Variants in FHIT observed in about 807,000 individuals in gnomAD.
FHIT encodes the protein fragile histidine triad diadenosine triphosphatase.
Under a neutral mutation model 17.9 loss-of-function variants are expected in FHIT, and 19 were observed. The ratio of observed to expected loss-of-function variants is 1.06; its 90% CI spans 0.74 to 1.56. The LOEUF is 1.56. FHIT is among the 40% of genes most tolerant of loss of function. The pLI, the probability that FHIT is intolerant of heterozygous loss-of-function variation, is 0.00. For missense variants in FHIT, 248 were observed against 189.2 expected (o/e 1.31, Z -1.82); for synonymous variants, 81 against 69.7 (o/e 1.16, Z -0.81).
intron 2 of FHIT, among the ~76,000 whole-genome samples, chr3:61,068,463 C>A (rs1262070310): frequency 4.6e-5 from 7 of 152,292 alleles, no homozygotes; most frequent in East Asian, 3.9e-4. Flanking sequence ...CCTCCTCTAT[C>A]GCCATATCTT....
chr3:61,143,321 G>C lies in FHIT; in HGVS notation c.-164+57296C>G, dbSNP rs78870447. The stretch of plus-strand genomic sequence containing the variant: ...TAAGTTTCTAATGTTTATGTATAGT[G>C]TATGTTTATATGTATGTATAATACA... On this transcript the variant is annotated intron_variant, in intron 2 of 9. Transcript: ENST00000492590. 8.7e-3 allele frequency among the ~76,000 whole-genome samples: 1,328 copies of C among 152,224 alleles called. 24 individuals carry two copies. The highest frequency in any genetic ancestry group is 0.03 in the African/African-American group (1,230 of 41,524).
At chr3:60,838,213 C>A (rs1474718624) in intron 3 of FHIT, among the ~76,000 whole-genome samples, 1 of 152,202 alleles carries the variant, frequency 6.6e-6, no homozygotes, top group Non-Finnish European at 1.5e-5. Context: ...TGGCTCACGC[C>A]TGTAATCCCA....
In FHIT at chr3:60,447,018, T is replaced by G. The variant is rs573148552; in HGVS notation, c.103+89842A>C. On this transcript the variant is annotated intron_variant, in intron 5 of 9. Coordinates refer to ENST00000492590, the MANE Select transcript of FHIT (RefSeq NM_002012.4). ...TTCTATGCTTGTCTCTTCAGCCTTA[T>G]GAGATCACCAAAAATTATGTTGCCC... Among the ~76,000 whole-genome samples, 9 of 152,162 alleles carry G rather than the reference T, an allele frequency of 5.9e-5. No individual in the cohort carries two copies. In the South Asian group the frequency reaches 1.7e-3, roughly 28 times the overall value.
At chr3:60,529,535 G>A (rs780151112) in intron 5 of FHIT, among the ~76,000 whole-genome samples, 24 of 152,172 alleles carry the variant, frequency 1.6e-4, no homozygotes, top group Admixed American at 3.9e-4. Flanking sequence ...AAATAATGAT[G>A]TATTATTATT....
rs2033408295 is a variant in FHIT at position 61,039,557 on chromosome 3, C to T, written c.-111+2490G>A. 3.3e-5 allele frequency among the ~76,000 whole-genome samples: 5 copies of T among 152,090 alleles called. No individual in the cohort carries two copies. In the South Asian group the frequency reaches 1.0e-3, roughly 32 times the overall value. On this transcript the variant is annotated intron_variant, in intron 3 of 9. Coordinates refer to ENST00000492590, the MANE Select transcript of FHIT (RefSeq NM_002012.4). ...GATGACTTCATGTCCTTTGCAGGGA[C>T]ATGGATGAAGCTGGAAACCATCATT...
chr3:61,161,650 G>A (rs1195641637), intron 2 of FHIT, among the ~76,000 whole-genome samples: 2 of 152,168 alleles, frequency 1.3e-5, no homozygotes, highest in Non-Finnish European at 2.9e-5. Flanking sequence ...CCAATGAAAT[G>A]CATTATTCTA....
intron 5 of FHIT, among the ~76,000 whole-genome samples, chr3:60,425,954 T>C (rs2107278825): frequency 6.6e-6 from 1 of 152,258 alleles, no homozygotes; most frequent in East Asian, 1.9e-4. Flanking sequence ...GGCTGGGGAA[T>C]TGATATGTAA....
chr3:61,127,025 A>G (rs1279535475), intron 2 of FHIT, among the ~76,000 whole-genome samples: 1 of 152,214 alleles, frequency 6.6e-6, no homozygotes, highest in African/African-American at 2.4e-5. Context: ...GCGCGGTGGC[A>G]GATGATGCAG....
At chr3:60,836,380 C>A (rs1294165941) in intron 3 of FHIT, among the ~76,000 whole-genome samples, 3 of 152,120 alleles carry the variant, frequency 2.0e-5, no homozygotes, top group Non-Finnish European at 2.9e-5. Context: ...TGGTAAAATT[C>A]TCCAGTGAGG....
chr3:60,555,372 G>A (rs1318158839), intron 4 of FHIT, among the ~76,000 whole-genome samples: 5 of 152,210 alleles, frequency 3.3e-5, no homozygotes, highest in African/African-American at 1.2e-4. Flanking sequence ...AACTTCAGCA[G>A]AGATGCCTAT....
intron 5 of FHIT, among the ~76,000 whole-genome samples, chr3:60,151,118 C>CT (rs1449872248): frequency 1.3e-5 from 2 of 152,074 alleles, no homozygotes; most frequent in African/African-American, 4.8e-5. Context: ...CCAAGGAACT[C>CT]TGATGTAAAA....
chr3:60,939,289 T>C (rs1213066247), intron 3 of FHIT, among the ~76,000 whole-genome samples: 1 of 152,176 alleles, frequency 6.6e-6, no homozygotes, highest in Admixed American at 6.5e-5. Context: ...GACATAGAAG[T>C]GCTTGGTTAA....
chr3:59,884,694 C>A (rs1703545527), intron 8 of FHIT, among the ~76,000 whole-genome samples: 1 of 152,174 alleles, frequency 6.6e-6, no homozygotes, highest in South Asian at 2.1e-4. Context: ...GTAGGGGAGT[C>A]ACGCTATGGG....
chr3:60,463,954 G>A (rs1196216973), intron 5 of FHIT, among the ~76,000 whole-genome samples: 1 of 152,194 alleles, frequency 6.6e-6, no homozygotes, highest in South Asian at 2.1e-4. Flanking sequence ...GGCCATTCTA[G>A]CAAGTGTGTG....
intron 8 of FHIT, among the ~76,000 whole-genome samples, chr3:59,815,793 T>C (rs1165308871): frequency 6.6e-6 from 1 of 152,116 alleles, no homozygotes; most frequent in East Asian, 1.9e-4. Flanking sequence ...CAGTGTACAC[T>C]ACTTGGGTGG....
chr3:60,172,678 G>GA (rs777480807), intron 5 of FHIT, among the ~76,000 whole-genome samples: 2 of 152,040 alleles, frequency 1.3e-5, no homozygotes, highest in African/African-American at 2.4e-5. Flanking sequence ...CCCTGTAGTG[G>GA]AAAAAACTTA....
At chr3:60,174,583 C>T (rs2107416969) in intron 5 of FHIT, among the ~76,000 whole-genome samples, 1 of 149,266 alleles carries the variant, frequency 6.7e-6, no homozygotes, top group South Asian at 2.2e-4. Context: ...AATCACATGG[C>T]TAATGAGAAG....
chr3:61,247,418 C>A (rs4296587), intron 1 of FHIT, among the ~76,000 whole-genome samples: 1 of 152,010 alleles, frequency 6.6e-6, no homozygotes, highest in Non-Finnish European at 1.5e-5. Flanking sequence ...TAACCCTGAG[C>A]CTCCTGGGAT....
chr3:61,167,505 T>C (rs2037873601), intron 2 of FHIT, among the ~76,000 whole-genome samples: 1 of 151,014 alleles, frequency 6.6e-6, no homozygotes, highest in South Asian at 2.1e-4. Flanking sequence ...GGCATGTGCC[T>C]GTAGTCCCAG....
Sources: gnomAD v4.1 joint callset for allele counts (sites outside exome capture counted in the v4.1 genomes callset) on GRCh38, gnomAD v4.1.1 for gene constraint, MANE v1.5 for transcripts, NCBI Gene and HGNC (gene_info 2026-07-23, HGNC 2026-07-21) for gene names.